RRAGD: variants seen among roughly 807,000 people sequenced by gnomAD.
RRAGD encodes Ras related GTP binding D, also known as ras-related GTP-binding protein D.
In RRAGD, 12 loss-of-function variants were observed where a neutral mutation model predicts 35.5. The ratio of observed to expected loss-of-function variants is 0.34; its 90% CI spans 0.22 to 0.55. The LOEUF is 0.55. RRAGD is among the 20% of genes least tolerant of loss of function. RRAGD has a pLI of 0.91. For synonymous variants in RRAGD, 155 were observed against 178.9 expected (o/e 0.87, Z 1.07); for missense variants, 324 against 490.1 (o/e 0.66, Z 3.20).
In RRAGD at chr6:89,368,175, T is replaced by C; in HGVS notation, c.1084A>G (p.Lys362Glu). 6.2e-7 allele frequency: 1 copy of C among 1,613,984 alleles called. No homozygotes were observed. Among genetic ancestry groups the C allele is most frequent in the East Asian group, 2.2e-5 (1 of 44,888 alleles). The change falls in exon 7 of 7, where the codon AAG (lysine) becomes GAG (glutamate). Residue 362 changes from lysine (K) to glutamate (E), a missense_variant. Physicochemically the swap from Lys to Glu is moderately conservative, Grantham distance 56. This residue lies in a region of RRAGD where 68 missense variants were observed against 76.8 expected (regional missense o/e 0.89). Coordinates refer to ENST00000369415, the MANE Select transcript of RRAGD (RefSeq NM_021244.5). ...ACCTCAAAAACTTCATGAATGGCCT[T>C]CCGGAAGCAATGAAAATTATAGTCA... ...LIDYNFHCFR[K>E]AIHEVFEVRM...
intron 1 of RRAGD, among the ~76,000 whole-genome samples, chr6:89,397,956 G>C (rs1376570373): frequency 2.0e-5 from 3 of 152,162 alleles, no homozygotes; most frequent in African/African-American, 7.2e-5. Flanking sequence ...AGACTAGCCT[G>C]GCCAACATGG....
In RRAGD at chr6:89,403,595, T is replaced by C. The variant is rs1769520426; in HGVS notation, c.148+8251A>G. 2.0e-5 allele frequency among the ~76,000 whole-genome samples: 3 copies of C among 151,570 alleles called. No homozygotes were observed. In the South Asian group the frequency reaches 6.2e-4, roughly 32 times the overall value. On this transcript the variant is annotated intron_variant, in intron 1 of 6. Coordinates refer to ENST00000369415, the MANE Select transcript of RRAGD (RefSeq NM_021244.5). ...ATATATATATACATATGGCCATGGA[T>C]GATAATAGACTTCCTGATTGGTTTT...
At chr6:89,396,807 T>C (rs924018248) in intron 1 of RRAGD, among the ~76,000 whole-genome samples, 7 of 145,152 alleles carry the variant, frequency 4.8e-5, no homozygotes, top group Admixed American at 4.3e-4. Context: ...AGTGGCATGA[T>C]CTTGGCTCAC....
In RRAGD at chr6:89,366,525, T is replaced by C. The variant is rs1435048299; in HGVS notation, c.*1531A>G. 1 of 124,638 alleles carries C rather than the reference T, an allele frequency of 8.0e-6. No homozygotes were observed. Among genetic ancestry groups the C allele is most frequent in the Non-Finnish European group, 1.7e-5 (1 of 58,796 alleles). The allele number at this position is 124,638 out of a possible 1,614,324, so 7.7% of individuals were successfully genotyped here. On this transcript the variant is annotated 3_prime_UTR_variant, in exon 7 of 7. Transcript: ENST00000369415. ...CAAGCAACAGAATGAGGCCCCCCTCTAAAAAAAAAAAAAAAAAAAGTTTCA... is the reference window on the plus strand; with the variant it reads ...CAAGCAACAGAATGAGGCCCCCCTCCAAAAAAAAAAAAAAAAAAAGTTTCA...
rs1769685217 is a variant in RRAGD, at chr6:89,411,209, G to A, written c.148+637C>T. On this transcript the variant is annotated intron_variant, in intron 1 of 6. Transcript: ENST00000369415. This position sits in a 1 kb window ranked among gnomAD's most constrained non-coding sequence, Gnocchi z 5.6. ...TGCCATGTCCAGGTGGTGATACCGAGAGCAGATAAGGTGTCCTGACAACGG... is the reference window on the plus strand; with the variant it reads ...TGCCATGTCCAGGTGGTGATACCGAAAGCAGATAAGGTGTCCTGACAACGG... 6.6e-6 allele frequency: 1 copy of A among 152,166 alleles called. No homozygotes were observed. The highest frequency in any genetic ancestry group is 6.5e-5 in the Admixed American group (1 of 15,280). The allele number at this position is 152,166 out of a possible 1,614,324, so 9.4% of individuals were successfully genotyped here.
Position 89,411,957 on chromosome 6 carries a change from C to T in RRAGD, c.37G>A (p.Glu13Lys), listed in dbSNP as rs909809881. 16 of 1,537,986 alleles carry T rather than the reference C, an allele frequency of 1.0e-5. No individual in the cohort carries two copies. Among genetic ancestry groups the T allele is most frequent in the Admixed American group, 2.0e-5 (1 of 50,930 alleles). ...TCCTCCTCCTCCTCCGCGTCGTCCT[C>T]GTCCTGCGGCTGCGGCTTCCCCAGC... ...QVLGKPQPQDEDDAEEEEEED... is the reference protein window; with the variant it reads ...QVLGKPQPQDKDDAEEEEEED... The change falls in exon 1 of 7, where the codon GAG becomes AAG. Residue 13 changes from glutamate to lysine, a missense_variant. Physicochemically the swap from Glu to Lys is moderately conservative, Grantham distance 56. Transcript: ENST00000369415. The surrounding 1 kb of genome is among the most constrained non-coding windows in gnomAD (Gnocchi z 5.6).
chr6:89,388,586 T>G (rs543881666), intron 1 of RRAGD, among the ~76,000 whole-genome samples: 1 of 152,174 alleles, frequency 6.6e-6, no homozygotes, highest in South Asian at 2.1e-4. Context: ...GCTAACGTAT[T>G]GGACAGCACA....
rs1768716678 is a variant in RRAGD, at chr6:89,365,123, A to T, written c.*2933T>A. The T allele has an allele frequency of 6.6e-6, 1 of 152,214 alleles. No homozygotes were observed. The highest frequency in any genetic ancestry group is 6.5e-5 in the Admixed American group (1 of 15,286). The allele number at this position is 152,214 out of a possible 1,614,324, so 9.4% of individuals were successfully genotyped here. A position where few individuals can be genotyped will look rare whatever the true frequency, so the allele number is the denominator to read the frequency against. ...TATTGCTGTGATTTTAGTCATATTT[A>T]AGGGTCCAAAATATGTTCACAAAAG... On this transcript the variant is annotated 3_prime_UTR_variant, in exon 7 of 7. Coordinates refer to ENST00000369415, the MANE Select transcript of RRAGD (RefSeq NM_021244.5).
intron 1 of RRAGD, among the ~76,000 whole-genome samples, chr6:89,401,251 C>A (rs938852503): frequency 1.3e-5 from 2 of 148,618 alleles, no homozygotes; most frequent in Non-Finnish European, 3.0e-5. Context: ...CCAGGGGCTT[C>A]CCCACAATAT....
chr6:89,399,784 T>TG (rs386407901), intron 1 of RRAGD, among the ~76,000 whole-genome samples: 1 of 150,262 alleles, frequency 6.7e-6, no homozygotes, highest in Admixed American at 6.6e-5. Flanking sequence ...TTTTTTTTTT[T>TG]GTAGAGACGA....
At chr6:89,391,949 C>G (rs533795086) in intron 1 of RRAGD, among the ~76,000 whole-genome samples, 9 of 111,730 alleles carry the variant, frequency 8.1e-5, no homozygotes, top group African/African-American at 4.1e-4. Flanking sequence ...AAAGTGAGAC[C>G]CTATCTCAAA....
chr6:89,406,100 CAA>C (rs149273086), intron 1 of RRAGD, among the ~76,000 whole-genome samples: 1,973 of 152,250 alleles, frequency 0.013, 39 homozygotes, highest in East Asian at 0.071. Context: ...GAAATCCTCT[CAA>C]GTCACACTGG....
chr6:89,374,272 C>G (rs1474066876), intron 5 of RRAGD, among the ~76,000 whole-genome samples: 1 of 152,150 alleles, frequency 6.6e-6, no homozygotes, highest in African/African-American at 2.4e-5. Flanking sequence ...GACCTCAAAC[C>G]TAGATATGGC....
intron 1 of RRAGD, among the ~76,000 whole-genome samples, chr6:89,409,707 A>G (rs148175871): frequency 2.8e-3 from 424 of 152,308 alleles, no homozygotes; most frequent in African/African-American, 9.4e-3. Context: ...TGAGGAGCCT[A>G]TCTGACACTA....
intron 1 of RRAGD, among the ~76,000 whole-genome samples, chr6:89,404,941 T>C (rs17800134): frequency 0.033 from 5,085 of 152,320 alleles, 113 homozygotes; most frequent in Non-Finnish European, 0.053. Flanking sequence ...AGATATCATA[T>C]GAAATGCACT....
intron 1 of RRAGD, among the ~76,000 whole-genome samples, chr6:89,397,559 G>A (rs951255284): frequency 4.6e-5 from 7 of 151,060 alleles, no homozygotes; most frequent in Non-Finnish European, 7.4e-5. Flanking sequence ...AGCCGAGATC[G>A]CGCCACTGCA....
intron 1 of RRAGD, among the ~76,000 whole-genome samples, chr6:89,409,813 G>A (rs1274932864): frequency 1.3e-5 from 2 of 152,324 alleles, no homozygotes; most frequent in African/African-American, 2.4e-5. Context: ...AAAATATAAC[G>A]GAGGAAGTCT....
intron 1 of RRAGD, among the ~76,000 whole-genome samples, chr6:89,403,569 G>GAT (rs1360501512): frequency 4.6e-5 from 7 of 151,318 alleles, no homozygotes; most frequent in Non-Finnish European, 7.4e-5. Context: ...TTTATCTGGG[G>GAT]ATATATATAT....
intron 1 of RRAGD, among the ~76,000 whole-genome samples, chr6:89,394,555 C>T (rs1218328931): frequency 6.6e-6 from 1 of 152,136 alleles, no homozygotes; most frequent in Non-Finnish European, 1.5e-5. Context: ...CCCACTTAAT[C>T]CCTTTGAAAT....
Sources: gnomAD v4.1 joint callset for allele counts (sites outside exome capture counted in the v4.1 genomes callset) on GRCh38, gnomAD v4.1.1 for gene constraint, gnomAD v4.1.1 regional missense constraint, Gnocchi (gnomAD v3.1) non-coding constraint, MANE v1.5 for transcripts, NCBI Gene and HGNC (gene_info 2026-07-23, HGNC 2026-07-21) for gene names.